Variants in NTM observed in about 807,000 individuals in gnomAD.
NTM encodes the protein IgLON family member 2.
NTM carries 13 observed loss-of-function variants against 42.1 expected under a neutral mutation model. The ratio of observed to expected loss-of-function variants is 0.31; its 90% CI spans 0.20 to 0.49. NTM has a LOEUF of 0.49. Ranked by LOEUF, NTM falls within the 20% of genes least tolerant of loss-of-function variation. The pLI is 0.99. For synonymous variants in NTM, 187 were observed against 179.2 expected (o/e 1.04, Z -0.35); for missense variants, 373 against 452.8 (o/e 0.82, Z 1.60).
intron 1 of NTM, among the ~76,000 whole-genome samples, chr11:131,618,872 A>G (rs1371595556): frequency 6.6e-6 from 1 of 152,232 alleles, no homozygotes; most frequent in African/African-American, 2.4e-5. Context: ...TATTTACGCC[A>G]CCAATGCAAG....
intron 3 of NTM, among the ~76,000 whole-genome samples, chr11:132,198,440 ATCC>A (rs2080637821): frequency 6.6e-6 from 1 of 152,186 alleles, no homozygotes. Context: ...AGCTCAAGCC[ATCC>A]TCCCACCTCA....
chr11:131,869,865 T>G (rs1425620935), intron 1 of NTM, among the ~76,000 whole-genome samples: 6 of 152,212 alleles, frequency 3.9e-5, no homozygotes, highest in Non-Finnish European at 8.8e-5. Context: ...CGGCTCTCAC[T>G]CACCTTTCCT....
rs145781052 is a variant in NTM at position 132,068,512 on chromosome 11, G to T, written c.168-77770G>T. Among the ~76,000 whole-genome samples the T allele has an allele frequency of 7.2e-5, 11 of 152,212 alleles. No homozygotes were observed. The South Asian group carries it at 1.9e-3, about 26-fold the overall frequency. On this transcript the variant is annotated intron_variant, in intron 2 of 8. Coordinates refer to ENST00000683400, the MANE Select transcript of NTM (RefSeq NM_001352005.2). Reference sequence around the variant, plus strand: ...TCACCAGAAGGGCTTCTATGGATTCGCTGGTAAAGACAATCTGGGCTTTTT... The same window carrying T: ...TCACCAGAAGGGCTTCTATGGATTCTCTGGTAAAGACAATCTGGGCTTTTT...
At chr11:131,613,336 C>A (rs1262663906) in intron 1 of NTM, among the ~76,000 whole-genome samples, 1 of 152,136 alleles carries the variant, frequency 6.6e-6, no homozygotes, top group East Asian at 1.9e-4. Context: ...GGGCCCCCGC[C>A]CAAGTTCTCT....
At chr11:131,682,480 G>A (rs1432530786) in intron 1 of NTM, among the ~76,000 whole-genome samples, 4 of 152,162 alleles carry the variant, frequency 2.6e-5, no homozygotes, top group Admixed American at 6.5e-5. Context: ...CTCCCTCCTC[G>A]TGGCACGCAT....
intron 1 of NTM, among the ~76,000 whole-genome samples, chr11:131,832,389 A>G (rs967067886): frequency 3.3e-5 from 5 of 152,194 alleles, no homozygotes; most frequent in Middle Eastern, 3.4e-3. Flanking sequence ...AAAAAAAACC[A>G]TGGATACCCT....
chr11:131,851,716 G>GTCATTCTC (rs2045578819), intron 1 of NTM, among the ~76,000 whole-genome samples: 1 of 152,026 alleles, frequency 6.6e-6, no homozygotes, highest in Admixed American at 6.6e-5. Context: ...CTGTCATTCT[G>GTCATTCTC]TCCTACCAGG....
chr11:131,474,242 C>A (rs999100054), intron 1 of NTM, among the ~76,000 whole-genome samples: 29 of 152,154 alleles, frequency 1.9e-4, no homozygotes, highest in Non-Finnish European at 2.8e-4. Flanking sequence ...TAACAGTTGA[C>A]ACAGTTAACC....
chr11:131,911,311 A>G (rs2054903868), intron 1 of NTM: 16 of 1,442,124 alleles, frequency 1.1e-5, no homozygotes, highest in Non-Finnish European at 1.5e-5. Context: ...TGGGGGAGGA[A>G]TATTAGACTC....
At chr11:131,605,237 GT>G (rs1409798581) in intron 1 of NTM, among the ~76,000 whole-genome samples, 1 of 152,094 alleles carries the variant, frequency 6.6e-6, no homozygotes, top group African/African-American at 2.4e-5. Context: ...TTTCAGTAAT[GT>G]TTTATAGTTT....
intron 2 of NTM, among the ~76,000 whole-genome samples, chr11:131,929,076 A>G (rs1314581372): frequency 1.3e-5 from 2 of 152,230 alleles, no homozygotes; most frequent in Non-Finnish European, 2.9e-5. Context: ...CGAGAAGACA[A>G]TGAAGAAGTA....
intron 1 of NTM, among the ~76,000 whole-genome samples, chr11:131,432,643 G>A (rs1363198285): frequency 6.6e-6 from 1 of 151,872 alleles, no homozygotes; most frequent in Non-Finnish European, 1.5e-5. Flanking sequence ...AATATCAATA[G>A]TACTACAAGT....
At chr11:131,500,550 T>TACAC (rs2046617645) in intron 1 of NTM, among the ~76,000 whole-genome samples, 1 of 12,816 alleles carries the variant, frequency 7.8e-5, no homozygotes, top group Admixed American at 8.9e-4. Flanking sequence ...ATTATATATA[T>TACAC]ATATATATAT....
In NTM at chr11:132,129,115, T is replaced by C. The variant is rs1267018029; in HGVS notation, c.168-17167T>C. ...AGTGTAGTTTGCAAAAGATGTGTGT[T>C]TGTGTGTGTGTGTTGGTAGGGTGGA... On this transcript the variant is annotated intron_variant, in intron 2 of 8. Transcript: ENST00000683400. Among the ~76,000 whole-genome samples the C allele has an allele frequency of 2.0e-5, 3 of 151,828 alleles. No individual in the cohort carries two copies. The East Asian group carries it at 5.8e-4, about 29-fold the overall frequency.
intron 2 of NTM, among the ~76,000 whole-genome samples, chr11:131,977,910 A>G (rs895581627): frequency 2.6e-5 from 4 of 152,234 alleles, no homozygotes; most frequent in African/African-American, 9.6e-5. Context: ...GGAGAAAATC[A>G]ATTATGAGCT....
At chr11:131,977,049 G>T (rs2064503087) in intron 2 of NTM, among the ~76,000 whole-genome samples, 2 of 152,168 alleles carry the variant, frequency 1.3e-5, no homozygotes, top group South Asian at 4.1e-4. Context: ...ATAAATGTCA[G>T]CACCATCCAT....
At chr11:132,130,393 C>A (rs1226187300) in intron 2 of NTM, among the ~76,000 whole-genome samples, 1 of 152,060 alleles carries the variant, frequency 6.6e-6, no homozygotes, top group Non-Finnish European at 1.5e-5. Flanking sequence ...CATTCTCTGC[C>A]TTGTTTTTTT....
chr11:131,599,892 T>C (rs1482103328), intron 1 of NTM, among the ~76,000 whole-genome samples: 3 of 152,244 alleles, frequency 2.0e-5, no homozygotes, highest in Non-Finnish European at 4.4e-5. Flanking sequence ...CCTGCCTCCC[T>C]GGGCAGAGTT....
At chr11:131,884,720 G>T (rs1451734439) in intron 1 of NTM, among the ~76,000 whole-genome samples, 1 of 152,134 alleles carries the variant, frequency 6.6e-6, no homozygotes, top group Non-Finnish European at 1.5e-5. Context: ...TCGGGAAGAG[G>T]CTCGCCATCC....
Sources: gnomAD v4.1 joint callset for allele counts (sites outside exome capture counted in the v4.1 genomes callset) on GRCh38, gnomAD v4.1.1 for gene constraint, MANE v1.5 for transcripts, NCBI Gene and HGNC (gene_info 2026-07-23, HGNC 2026-07-21) for gene names.